The following ANKRD17 variants were observed in gnomAD, a reference collection of about 807,000 sequenced individuals.
The protein encoded by ANKRD17 is ankyrin repeat domain-containing protein 17.
In ANKRD17, 19 loss-of-function variants were observed where a neutral mutation model predicts 229.7. That is an observed-to-expected ratio of 0.08 (90% CI 0.06 to 0.12). ANKRD17 has a LOEUF of 0.12. Among genes scored for constraint, ANKRD17 ranks in the 10% least tolerant of loss-of-function variants. The pLI, the probability that ANKRD17 is intolerant of heterozygous loss-of-function variation, is 1.00. For synonymous variants in ANKRD17, 1,112 were observed against 1,146.1 expected (o/e 0.97, Z 0.60); for missense variants, 2,176 against 3,176.8 (o/e 0.68, Z 7.57).
At chr4:73,105,337 CCTA>C (rs1447800246) in intron 24 of ANKRD17, among the ~76,000 whole-genome samples, 1 of 150,680 alleles carries the variant, frequency 6.6e-6, no homozygotes, top group Non-Finnish European at 1.5e-5. Flanking sequence ...CACACATACA[CCTA>C]CTATTTTACT....
intron 1 of ANKRD17, among the ~76,000 whole-genome samples, chr4:73,229,366 T>C (rs1475624649): frequency 6.6e-6 from 1 of 152,170 alleles, no homozygotes; most frequent in Admixed American, 6.6e-5. Context: ...TGAGTGAGAC[T>C]GCCTGCTTCC....
At chr4:73,137,557 G>A (rs187173079) in intron 15 of ANKRD17, among the ~76,000 whole-genome samples, 2 of 152,240 alleles carry the variant, frequency 1.3e-5, no homozygotes, top group African/African-American at 4.8e-5. Context: ...TCCTACCACA[G>A]AAATTTAAGA....
intron 24 of ANKRD17, among the ~76,000 whole-genome samples, chr4:73,102,937 A>AGAAATTTAGAAAAGAAATATTTAG (rs1724186349): frequency 6.6e-6 from 1 of 152,180 alleles, no homozygotes; most frequent in African/African-American, 2.4e-5. Flanking sequence ...ATGAATATTT[A>AGAAATTTAGAAAAGAAATATTTAG]CATTTTAGAA....
chr4:73,137,899 C>CA (rs1729113147), intron 15 of ANKRD17, among the ~76,000 whole-genome samples: 1 of 152,092 alleles, frequency 6.6e-6, no homozygotes, highest in South Asian at 2.1e-4. Flanking sequence ...GATCAGCATA[C>CA]AAAACTGTAC....
intron 1 of ANKRD17, among the ~76,000 whole-genome samples, chr4:73,206,767 G>T (rs992931935): frequency 1.8e-4 from 27 of 152,154 alleles, no homozygotes; most frequent in African/African-American, 6.5e-4. Context: ...TCTATTTACA[G>T]CATGGTAACT....
intron 16 of ANKRD17, among the ~76,000 whole-genome samples, chr4:73,127,589 C>T (rs967418705): frequency 5.3e-5 from 8 of 151,934 alleles, no homozygotes; most frequent in African/African-American, 1.7e-4. Flanking sequence ...CTATAAATTC[C>T]TGGGAGGTAA....
chr4:73,232,990 T>C (rs1743196098), intron 1 of ANKRD17, among the ~76,000 whole-genome samples: 1 of 152,220 alleles, frequency 6.6e-6, no homozygotes, highest in Non-Finnish European at 1.5e-5. Flanking sequence ...CCCAAAGTGC[T>C]GGGATTATAA....
At chr4:73,121,444 T>C (rs1560548688) in intron 19 of ANKRD17, 173 bp downstream of exon 19, 1 of 729,310 alleles carries the variant, frequency 1.4e-6, no homozygotes, top group South Asian at 1.8e-5. Flanking sequence ...TTTCAAACTC[T>C]ATATCAAGTT....
At chr4:73,088,939 T>C (rs903735733) in intron 29 of ANKRD17, among the ~76,000 whole-genome samples, 3 of 152,324 alleles carry the variant, frequency 2.0e-5, no homozygotes, top group East Asian at 3.8e-4. Flanking sequence ...AAAGTAGCCT[T>C]ATACAATATG....
chr4:73,157,956 GCA>G, intron 3 of ANKRD17, among the ~76,000 whole-genome samples: 2 of 151,806 alleles, frequency 1.3e-5, no homozygotes, highest in Non-Finnish European at 2.9e-5. Flanking sequence ...GCCGGGCATG[GCA>G]GCGTGGCCTA....
At chr4:73,146,212 A>G (rs1381709628) in intron 10 of ANKRD17, among the ~76,000 whole-genome samples, 1 of 152,104 alleles carries the variant, frequency 6.6e-6, no homozygotes, top group African/African-American at 2.4e-5. Context: ...CCCCAAAATA[A>G]TACATCAGAT....
At chr4:73,155,177 A>C (rs1731508256) in intron 5 of ANKRD17, among the ~76,000 whole-genome samples, 1 of 152,208 alleles carries the variant, frequency 6.6e-6, no homozygotes, top group African/African-American at 2.4e-5. Context: ...TTTTAGACTA[A>C]AGTTATGCTC....
intron 8 of ANKRD17, among the ~76,000 whole-genome samples, chr4:73,148,216 CCAGA>C (rs952415947): frequency 6.6e-6 from 1 of 152,092 alleles, no homozygotes; most frequent in Non-Finnish European, 1.5e-5. Context: ...TTAAATTTGT[CCAGA>C]CAAAAACTTT....
At chr4:73,184,059 A>G (rs1578310888) in intron 1 of ANKRD17, among the ~76,000 whole-genome samples, 1 of 152,196 alleles carries the variant, frequency 6.6e-6, no homozygotes, top group Admixed American at 6.5e-5. Flanking sequence ...AAATCCTTCT[A>G]CACTCAAAAC....
At chr4:73,092,875 A>G (rs955100768) in intron 28 of ANKRD17, among the ~76,000 whole-genome samples, 6 of 152,232 alleles carry the variant, frequency 3.9e-5, no homozygotes, top group Non-Finnish European at 8.8e-5. Flanking sequence ...AAGATGTCTT[A>G]AAATGATGCA....
At position 73,192,424 on chromosome 4, in the gene ANKRD17, A is replaced by G. The variant is rs111790170; in HGVS notation, c.394-14891T>C. Among the ~76,000 whole-genome samples, 287 of 152,228 alleles carry G rather than the reference A, an allele frequency of 1.9e-3. 1 individual carries two copies. Among genetic ancestry groups the G allele is most frequent in the African/African-American group, 6.6e-3 (275 of 41,584 alleles). On this transcript the variant is annotated intron_variant, in intron 1 of 33. Coordinates refer to ENST00000358602, the MANE Select transcript of ANKRD17 (RefSeq NM_032217.5). ...TTAAAAAGCAAAATAAAGCATATAC[A>G]CATGTGCAAGAATGTACACAAAAAA...
At chr4:73,224,143 C>G (rs1403401087) in intron 1 of ANKRD17, among the ~76,000 whole-genome samples, 1 of 152,180 alleles carries the variant, frequency 6.6e-6, no homozygotes, top group Non-Finnish European at 1.5e-5. Flanking sequence ...GTAATCCCAG[C>G]TACTCAGGTG....
chr4:73,184,024 ATTTG>A (rs1015698791), intron 1 of ANKRD17, among the ~76,000 whole-genome samples: 46 of 152,306 alleles, frequency 3.0e-4, no homozygotes, highest in Middle Eastern at 3.4e-3. Context: ...AGCTGAATGA[ATTTG>A]TTTGTCATTA....
At chr4:73,199,738 C>A (rs947213591) in intron 1 of ANKRD17, among the ~76,000 whole-genome samples, 48 of 152,252 alleles carry the variant, frequency 3.2e-4, no homozygotes, top group African/African-American at 1.1e-3. Context: ...GTCTTTCCAA[C>A]GACAACGAAA....
Sources: allele counts gnomAD v4.1 joint callset (sites outside exome capture counted in the v4.1 genomes callset), GRCh38; gene constraint gnomAD v4.1.1; transcripts MANE v1.5; gene names NCBI Gene and HGNC (gene_info 2026-07-23, HGNC 2026-07-21).